The following ADAMTS16 variants were observed in gnomAD, a reference collection of about 807,000 sequenced individuals.
The protein encoded by ADAMTS16 is A disintegrin and metalloproteinase with thrombospondin motifs 16.
Under a neutral mutation model 145.8 loss-of-function variants are expected in ADAMTS16, and 94 were observed. The ratio of observed to expected loss-of-function variants is 0.64; its 90% CI spans 0.55 to 0.77. The LOEUF (loss-of-function observed/expected upper bound fraction) is 0.77. Ranked by LOEUF, ADAMTS16 falls within the 30% of genes least tolerant of loss-of-function variation. ADAMTS16 has a pLI of 0.00. For missense variants in ADAMTS16, 1,585 were observed against 1,591.5 expected (o/e 1.00, Z 0.07); for synonymous variants, 659 against 604.3 (o/e 1.09, Z -1.33).
intron 11 of ADAMTS16, among the ~76,000 whole-genome samples, chr5:5,229,880 G>T (rs925986357): frequency 6.6e-6 from 1 of 152,184 alleles, no homozygotes; most frequent in Non-Finnish European, 1.5e-5. Context: ...TAAAGGATCT[G>T]GGAAATGATT....
chr5:5,225,074 A>G (rs1736720754), intron 11 of ADAMTS16, among the ~76,000 whole-genome samples: 1 of 152,136 alleles, frequency 6.6e-6, no homozygotes, highest in South Asian at 2.1e-4. Flanking sequence ...CCTAAAAATT[A>G]CACAGCTGAA....
intron 18 of ADAMTS16, among the ~76,000 whole-genome samples, chr5:5,281,057 T>C (rs1738886659): frequency 6.6e-6 from 1 of 152,232 alleles, no homozygotes; most frequent in African/African-American, 2.4e-5. Flanking sequence ...ATAATGACAG[T>C]TCTTTAAAAA....
In ADAMTS16 at chr5:5,269,199, C is replaced by T. The variant is rs1445875995; in HGVS notation, c.2789+6416C>T. Among the ~76,000 whole-genome samples the T allele has an allele frequency of 6.6e-6, 1 of 152,074 alleles. No homozygotes were observed. The highest frequency in any genetic ancestry group is 6.5e-5 in the Admixed American group (1 of 15,274). The stretch of plus-strand genomic sequence containing the variant: ...TCACTGCCCAGGACCCCGGAGCCCC[C>T]ACCCAGGCCAGAGGCTGTGGCAGTG... On this transcript the variant is annotated intron_variant, in intron 18 of 22. Transcript: ENST00000274181. This position sits in a 1 kb window ranked among gnomAD's most constrained non-coding sequence, Gnocchi z 4.3.
At chr5:5,209,971 T>C (rs908140030) in intron 10 of ADAMTS16, among the ~76,000 whole-genome samples, 6 of 152,190 alleles carry the variant, frequency 3.9e-5, no homozygotes, top group South Asian at 2.1e-4. Flanking sequence ...TCAAAATGCA[T>C]TGGGAATACT....
chr5:5,160,744 CTT>C (rs1260034914), intron 3 of ADAMTS16, among the ~76,000 whole-genome samples: 33 of 128,650 alleles, frequency 2.6e-4, no homozygotes, highest in African/African-American at 8.0e-4. Flanking sequence ...ACTTTACAAA[CTT>C]AAAAATATAC....
At chr5:5,165,925 A>G (rs1234794351) in intron 3 of ADAMTS16, among the ~76,000 whole-genome samples, 1 of 152,034 alleles carries the variant, frequency 6.6e-6, no homozygotes, top group Non-Finnish European at 1.5e-5. Context: ...CTCTGCCCTT[A>G]CTCAGGCAAT....
chr5:5,191,147 C>T (rs1366858736), intron 7 of ADAMTS16, among the ~76,000 whole-genome samples: 4 of 152,204 alleles, frequency 2.6e-5, no homozygotes, highest in African/African-American at 7.2e-5. Context: ...TTTCCCCCGA[C>T]TTCTGCCCAT....
chr5:5,210,329 T>C (rs937879410), intron 10 of ADAMTS16, among the ~76,000 whole-genome samples: 3 of 152,214 alleles, frequency 2.0e-5, no homozygotes, highest in African/African-American at 4.8e-5. Context: ...GACTGTGTCA[T>C]TCATGGTGCC....
At chr5:5,281,056 G>A (rs1393764589) in intron 18 of ADAMTS16, among the ~76,000 whole-genome samples, 1 of 152,206 alleles carries the variant, frequency 6.6e-6, no homozygotes, top group East Asian at 1.9e-4. Context: ...AATAATGACA[G>A]TTCTTTAAAA....
At chr5:5,271,436 C>T (rs1738471737) in intron 18 of ADAMTS16, among the ~76,000 whole-genome samples, 1 of 152,286 alleles carries the variant, frequency 6.6e-6, no homozygotes, top group African/African-American at 2.4e-5. Flanking sequence ...GGAGGCTCCT[C>T]CCTGCGCGGG....
At chr5:5,286,264 A>G (rs1354190657) in intron 18 of ADAMTS16, among the ~76,000 whole-genome samples, 1 of 152,226 alleles carries the variant, frequency 6.6e-6, no homozygotes, top group Non-Finnish European at 1.5e-5. Flanking sequence ...CATAAATACC[A>G]CAGAATGATT....
Position 5,222,932 on chromosome 5 carries a change from T to C in ADAMTS16, c.1701+48T>C, listed in dbSNP as rs1736648000. 2.6e-6 allele frequency: 4 copies of C among 1,551,696 alleles called. No homozygotes were observed. The South Asian group carries it at 3.3e-5, about 13-fold the overall frequency. Reference sequence around the variant, plus strand: ...AGCATCGTATTCAGATGCTAGTCTTTCAACCCATGCATCTTTGCTCCTCTT... The same window carrying C: ...AGCATCGTATTCAGATGCTAGTCTTCCAACCCATGCATCTTTGCTCCTCTT... On this transcript the variant is annotated intron_variant, in intron 11 of 22. Transcript: ENST00000274181.
At chr5:5,178,432 G>C (rs1276476460) in intron 3 of ADAMTS16, among the ~76,000 whole-genome samples, 1 of 152,134 alleles carries the variant, frequency 6.6e-6, no homozygotes, top group Non-Finnish European at 1.5e-5. Context: ...ATTCTGATAA[G>C]AAGAAAACAT....
Position 5,222,813 on chromosome 5 carries a change from C to A in ADAMTS16, c.1630C>A (p.His544Asn). Residue 544 changes from histidine (H) to asparagine (N), a missense_variant, in exon 11 of 23, where the codon CAT becomes AAT. His to Asn is a moderately conservative substitution (Grantham distance 68, BLOSUM62 1). Transcript: ENST00000274181. ...GGACATCTGTAAAGCCCTGTGGTGC[C>A]ATCGTATTGGAAGGAAATGTGAGAC... is the stretch of plus-strand genomic sequence containing the variant. ...KKDICKALWCHRIGRKCETKF... is the reference protein window; with the variant it reads ...KKDICKALWCNRIGRKCETKF... The A allele has an allele frequency of 6.2e-7, 1 of 1,614,022 alleles. No homozygotes were observed. Among genetic ancestry groups the A allele is most frequent in the Middle Eastern group, 1.7e-4 (1 of 6,060 alleles).
At chr5:5,240,921 C>T (rs1376933815) in intron 16 of ADAMTS16, among the ~76,000 whole-genome samples, 3 of 152,126 alleles carry the variant, frequency 2.0e-5, no homozygotes, top group African/African-American at 7.2e-5. Context: ...TTAGCTTTAA[C>T]AATCAGAGAG....
chr5:5,151,663 T>C (rs930764113), intron 3 of ADAMTS16, among the ~76,000 whole-genome samples: 1 of 150,202 alleles, frequency 6.7e-6, no homozygotes, highest in African/African-American at 2.4e-5. Context: ...TATCCATTAT[T>C]TCCCATAGTT....
At chr5:5,188,981 G>A (rs1735584964) in intron 6 of ADAMTS16, among the ~76,000 whole-genome samples, 1 of 152,190 alleles carries the variant, frequency 6.6e-6, no homozygotes, top group African/African-American at 2.4e-5. Context: ...AATTAATGCA[G>A]TTTTCCTGGA....
rs200745446 is a variant in ADAMTS16 at position 5,318,173 on chromosome 5, G to A, written c.3451G>A (p.Val1151Met). Residue 1151 changes from valine (V) to methionine (M), a missense_variant, in exon 22 of 23, where the codon GTG becomes ATG. Val to Met is a conservative substitution (Grantham distance 21). Around this residue, in one of 3 missense-constraint regions of ADAMTS16, gnomAD observed 834 missense variants for 811.7 expected, o/e 1.03. Transcript: ENST00000274181. The stretch of plus-strand genomic sequence containing the variant: ...TGGGGGAGGCGTTCAGACGAGGTCC[G>A]TGCAGTGCCTGGCTGGGGGCCGGCC... The part of the protein sequence containing the change: ...SCGGGVQTRS[V>M]QCLAGGRPAS... 27 of 1,551,420 alleles carry A rather than the reference G, an allele frequency of 1.7e-5. No homozygotes were observed. The highest frequency in any genetic ancestry group is 2.1e-5 in the Non-Finnish European group (24 of 1,144,748).
At chr5:5,241,924 A>T in intron 16 of ADAMTS16, 129 bp from the exon 17 acceptor site, 1 of 1,108,934 alleles carries the variant, frequency 9.0e-7, no homozygotes, top group Non-Finnish European at 1.3e-6. Context: ...TGATAGTCTG[A>T]ATGTATTTTA....
Sources: gnomAD v4.1 joint callset for allele counts (sites outside exome capture counted in the v4.1 genomes callset) on GRCh38, gnomAD v4.1.1 for gene constraint, gnomAD v4.1.1 regional missense constraint, Gnocchi (gnomAD v3.1) non-coding constraint, MANE v1.5 for transcripts, NCBI Gene and HGNC (gene_info 2026-07-23, HGNC 2026-07-21) for gene names.